The following CNTNAP2 variants were observed in gnomAD, a reference collection of about 807,000 sequenced individuals.
CNTNAP2 encodes the protein contactin-associated protein-like 2.
Under a neutral mutation model 155.2 loss-of-function variants are expected in CNTNAP2, and 98 were observed. The ratio of observed to expected loss-of-function variants is 0.63; its 90% CI spans 0.54 to 0.75. The LOEUF (loss-of-function observed/expected upper bound fraction) is 0.75. Ranked by LOEUF, CNTNAP2 falls within the 30% of genes least tolerant of loss-of-function variation. The probability of loss-of-function intolerance (pLI) is 0.00; values close to 1 mark genes in which losing one functional copy is unlikely to be tolerated. For missense variants in CNTNAP2, 1,727 were observed against 1,688.1 expected (o/e 1.02, Z -0.40); for synonymous variants, 651 against 631.2 (o/e 1.03, Z -0.47).
intron 3 of CNTNAP2, among the ~76,000 whole-genome samples, chr7:146,961,512 T>C (rs1048845097): frequency 6.6e-6 from 1 of 152,216 alleles, no homozygotes; most frequent in Admixed American, 6.5e-5. Flanking sequence ...TAAGGGTAAC[T>C]TTCTTTCATT....
At chr7:148,033,889 A>G (rs375595435) in intron 15 of CNTNAP2, among the ~76,000 whole-genome samples, 13 of 152,248 alleles carry the variant, frequency 8.5e-5, no homozygotes, top group East Asian at 1.9e-4. Context: ...ACCCCCTCCT[A>G]TATTCCTGCC....
At chr7:147,861,551 A>G (rs1351971971) in intron 13 of CNTNAP2, among the ~76,000 whole-genome samples, 3 of 152,168 alleles carry the variant, frequency 2.0e-5, no homozygotes, top group Admixed American at 6.6e-5. Context: ...GCAACCACCA[A>G]TCTCACAAAG....
intron 21 of CNTNAP2, among the ~76,000 whole-genome samples, chr7:148,372,305 G>A (rs1278828885): frequency 6.6e-6 from 1 of 152,148 alleles, no homozygotes; most frequent in Non-Finnish European, 1.5e-5. Context: ...ATGAGTGAGT[G>A]GGTGGTAAGT....
Position 146,710,233 on chromosome 7 carries a change from C to T in CNTNAP2, c.98-64038C>T, listed in dbSNP as rs1407272752. 2.0e-5 allele frequency among the ~76,000 whole-genome samples: 3 copies of T among 152,242 alleles called. No individual in the cohort carries two copies. In the East Asian group the frequency reaches 5.8e-4, roughly 29 times the overall value. ...CACAAACACAAAATCTAAGAACTAC[C>T]AGTCAATCCTGGAATATGAAAACAA... is the stretch of plus-strand genomic sequence containing the variant. On this transcript the variant is annotated intron_variant, in intron 1 of 23. Transcript: ENST00000361727.
intron 15 of CNTNAP2, among the ~76,000 whole-genome samples, chr7:148,090,084 C>T (rs1238657558): frequency 2.0e-5 from 3 of 151,970 alleles, no homozygotes; most frequent in African/African-American, 4.8e-5. Flanking sequence ...TCTCATTTTA[C>T]ACCATATACA....
intron 3 of CNTNAP2, among the ~76,000 whole-genome samples, chr7:146,847,587 G>A (rs1425491144): frequency 6.6e-6 from 1 of 152,098 alleles, no homozygotes; most frequent in Non-Finnish European, 1.5e-5. Flanking sequence ...ATTTCTAGGT[G>A]CATTAACATA....
intron 18 of CNTNAP2, among the ~76,000 whole-genome samples, chr7:148,188,647 T>C: frequency 6.6e-6 from 1 of 152,248 alleles, no homozygotes; most frequent in African/African-American, 2.4e-5. Flanking sequence ...TGCTATAATT[T>C]GGTTTCACTA....
At chr7:147,396,182 C>CATATATATATATATATAGCAT (rs58129350) in intron 10 of CNTNAP2, among the ~76,000 whole-genome samples, 2 of 145,450 alleles carry the variant, frequency 1.4e-5, no homozygotes, top group Non-Finnish European at 3.0e-5. Context: ...ATATATATAG[C>CATATATATATATATATAGCAT]ATATATATAT....
At chr7:147,989,409 C>T (rs976037717) in intron 15 of CNTNAP2, among the ~76,000 whole-genome samples, 1 of 152,234 alleles carries the variant, frequency 6.6e-6, no homozygotes, top group Non-Finnish European at 1.5e-5. Context: ...TGTAACATCA[C>T]TGAGTTTGCT....
chr7:146,199,334 G>A (rs1798823340), intron 1 of CNTNAP2, among the ~76,000 whole-genome samples: 1 of 152,150 alleles, frequency 6.6e-6, no homozygotes, highest in Non-Finnish European at 1.5e-5. Flanking sequence ...AAGATGCCAG[G>A]GACTAAGAAC....
intron 8 of CNTNAP2, among the ~76,000 whole-genome samples, chr7:147,226,164 G>A (rs1215146332): frequency 6.6e-6 from 1 of 152,124 alleles, no homozygotes; most frequent in Non-Finnish European, 1.5e-5. Context: ...TATCTGATAA[G>A]GTGTCATTAT....
In CNTNAP2 at chr7:147,090,107, A is replaced by G. The variant is rs76160322; in HGVS notation, c.551-18040A>G. 4.5e-3 allele frequency among the ~76,000 whole-genome samples: 681 copies of G among 152,318 alleles called. 1 individual carries two copies. The highest frequency in any genetic ancestry group is 0.02 in the Middle Eastern group (6 of 294). ...AGTAAGGGAGGGTCCCATAGTCACC[A>G]AGCAAGACGCCCAATTTGTCCTAAA... On this transcript the variant is annotated intron_variant, in intron 4 of 23. Coordinates refer to ENST00000361727, the MANE Select transcript of CNTNAP2 (RefSeq NM_014141.6).
chr7:147,285,163 C>A (rs919575651), intron 8 of CNTNAP2, among the ~76,000 whole-genome samples: 1 of 146,200 alleles, frequency 6.8e-6, no homozygotes, highest in Middle Eastern at 3.4e-3. Flanking sequence ...TGTTTCTATT[C>A]AAATCATAAA....
chr7:146,454,101 T>A (rs563732701), intron 1 of CNTNAP2, among the ~76,000 whole-genome samples: 76 of 152,294 alleles, frequency 5.0e-4, no homozygotes, highest in African/African-American at 1.8e-3. Flanking sequence ...AAGATAAAGA[T>A]AAAATTTTAA....
rs563418951 is a variant in CNTNAP2, at chr7:146,715,499, C to A, written c.98-58772C>A. On this transcript the variant is annotated intron_variant, in intron 1 of 23. Coordinates refer to ENST00000361727, the MANE Select transcript of CNTNAP2 (RefSeq NM_014141.6). ...GATATTCATCTTTTCAGGACCTAAT[C>A]CAGCTGGACCTCTACTTTTTTAATG... Among the ~76,000 whole-genome samples the A allele has an allele frequency of 2.3e-3, 303 of 134,384 alleles. 5 individuals carry two copies. Among genetic ancestry groups the A allele is most frequent in the Non-Finnish European group, 7.4e-4 (50 of 67,278 alleles). 88.2% of individuals were successfully genotyped at this position (134,384 alleles called of 152,430 possible).
intron 22 of CNTNAP2, among the ~76,000 whole-genome samples, chr7:148,395,278 GCTCT>G (rs1034746544): frequency 6.7e-6 from 1 of 149,102 alleles, no homozygotes; most frequent in South Asian, 2.2e-4. Context: ...TGAATGTTTG[GCTCT>G]CTCTCTTATT....
At chr7:147,536,285 C>T (rs1799535916) in intron 11 of CNTNAP2, among the ~76,000 whole-genome samples, 1 of 152,230 alleles carries the variant, frequency 6.6e-6, no homozygotes, top group Admixed American at 6.5e-5. Context: ...TATTGAGCAT[C>T]TATCACGCAC....
chr7:147,358,586 T>G (rs549349195), intron 9 of CNTNAP2, among the ~76,000 whole-genome samples: 26 of 152,168 alleles, frequency 1.7e-4, no homozygotes, highest in Middle Eastern at 3.4e-3. Context: ...TTTTAACTAA[T>G]GTAAAGGGTA....
At chr7:147,177,543 A>C (rs116120129) in intron 8 of CNTNAP2, among the ~76,000 whole-genome samples, 2,505 of 152,270 alleles carry the variant, frequency 0.016, 57 homozygotes, top group African/African-American at 0.055. Flanking sequence ...CAGCATGAGA[A>C]CATACTAATA....
Sources: allele counts gnomAD v4.1 joint callset (sites outside exome capture counted in the v4.1 genomes callset), GRCh38; gene constraint gnomAD v4.1.1; transcripts MANE v1.5; gene names NCBI Gene and HGNC (gene_info 2026-07-23, HGNC 2026-07-21).